WDR33: variants seen among roughly 807,000 people sequenced by gnomAD.
The protein encoded by WDR33 is pre-mRNA 3' end processing protein WDR33.
A neutral mutation model predicts 164.9 loss-of-function variants in WDR33; 47 were observed. The observed-to-expected ratio is 0.29, with a 90% CI of 0.23 to 0.36. The LOEUF (loss-of-function observed/expected upper bound fraction) is 0.36. WDR33 is among the 10% of genes least tolerant of loss of function. The pLI, the probability that WDR33 is intolerant of heterozygous loss-of-function variation, is 1.00. For missense variants in WDR33, 1,137 were observed against 1,754.1 expected (o/e 0.65, Z 6.28); for synonymous variants, 505 against 589.0 (o/e 0.86, Z 2.06).
chr2:127,790,802 G>C (rs1374054171), intron 1 of WDR33, among the ~76,000 whole-genome samples: 1 of 152,024 alleles, frequency 6.6e-6, no homozygotes, highest in Non-Finnish European at 1.5e-5. Flanking sequence ...ATAGATATAG[G>C]ACTATTCAGG....
chr2:127,761,777 C>T (rs1231364597), intron 7 of WDR33, among the ~76,000 whole-genome samples: 2 of 152,144 alleles, frequency 1.3e-5, no homozygotes, highest in Admixed American at 1.3e-4. Flanking sequence ...GTCTCTGTCT[C>T]GTTCTGAAGT....
In WDR33 at chr2:127,709,419, A is replaced by G. The variant is rs1686097894; in HGVS notation, c.3565+71T>C. On this transcript the variant is annotated intron_variant, in intron 20 of 21. Coordinates refer to ENST00000322313, the MANE Select transcript of WDR33 (RefSeq NM_018383.5). The surrounding 1 kb of genome is among the most constrained non-coding windows in gnomAD (Gnocchi z 5.0). ...GGAAAGAGGAGACCCGGTGCACCCC[A>G]GAGAGGGCCCTCAGAACTCACTTTG... The G allele has an allele frequency of 4.0e-6, 6 of 1,486,746 alleles. No homozygotes were observed. Among genetic ancestry groups the G allele is most frequent in the Non-Finnish European group, 5.6e-6 (6 of 1,067,552 alleles). The allele number at this position is 1,486,746 out of a possible 1,614,324, so 92.1% of individuals were successfully genotyped here. A position where few individuals can be genotyped will look rare whatever the true frequency, so the allele number is the denominator to read the frequency against.
rs755820340 is a variant in WDR33 at position 127,721,938 on chromosome 2, A to G, written c.1569T>C (p.Asn523=). ...VPIPAPNEVL[N]DRKEDIKLEE... is the part of the protein sequence containing the mutation. ...CCAATTTAATGTCTTCTTTTCTGTC[A>G]TTCAGCACCTCATTTGGAGCAGGAA... The change falls in exon 15 of 22, where the codon AAT becomes AAC. Residue 523 remains asparagine (N), a synonymous_variant. Transcript: ENST00000322313. This position sits in a 1 kb window ranked among gnomAD's most constrained non-coding sequence, Gnocchi z 4.9. 9 of 1,613,410 alleles carry G rather than the reference A, an allele frequency of 5.6e-6. No homozygotes were observed. Among genetic ancestry groups the G allele is most frequent in the Non-Finnish European group, 1.7e-6 (2 of 1,179,912 alleles).
chr2:127,758,034 C>T (rs1231345424), intron 7 of WDR33, among the ~76,000 whole-genome samples: 1 of 152,178 alleles, frequency 6.6e-6, no homozygotes, highest in Non-Finnish European at 1.5e-5. Context: ...AAACTAAAAA[C>T]TCCTGCGTAA....
At chr2:127,731,294 C>CA (rs35161101) in intron 7 of WDR33, among the ~76,000 whole-genome samples, 7,293 of 69,738 alleles carry the variant, frequency 0.1, 405 homozygotes, top group Non-Finnish European at 0.13. Flanking sequence ...GACCCTGCCT[C>CA]AAAAAAAAAA....
chr2:127,761,613 G>T (rs1687679422), intron 7 of WDR33, among the ~76,000 whole-genome samples: 1 of 152,198 alleles, frequency 6.6e-6, no homozygotes, highest in South Asian at 2.1e-4. Context: ...GACTAATAGT[G>T]AGGAAAGATT....
chr2:127,785,570 G>A (rs1191050699), intron 1 of WDR33, among the ~76,000 whole-genome samples: 1 of 152,142 alleles, frequency 6.6e-6, no homozygotes, highest in East Asian at 1.9e-4. Flanking sequence ...GAATCATACA[G>A]TGTGGAGCAT....
In WDR33 at chr2:127,713,775, A is replaced by G. The variant is rs778559371; in HGVS notation, c.3116T>C (p.Leu1039Ser). Reference protein sequence around the residue: ...LREFEGRGGPLPQEEKWRRGG... With the variant: ...LREFEGRGGPSPQEEKWRRGG... ...TCGCCTCCACTTCTCTTCTTGCGGT[A>G]AAGGTCCTCCTCGCCCCTCAAATTC... The change falls in exon 18 of 22, where the codon TTA becomes TCA. Residue 1039 changes from leucine to serine, a missense_variant. Leu to Ser is a moderately radical substitution (Grantham distance 145, BLOSUM62 -2). Transcript: ENST00000322313. This position sits in a 1 kb window ranked among gnomAD's most constrained non-coding sequence, Gnocchi z 6.2. 21 of 1,614,148 alleles carry G rather than the reference A, an allele frequency of 1.3e-5. No individual in the cohort carries two copies. Among genetic ancestry groups the G allele is most frequent in the Non-Finnish European group, 1.5e-5 (18 of 1,180,052 alleles).
intron 7 of WDR33, chr2:127,762,457 T>C: frequency 2.1e-6 from 2 of 945,670 alleles, no homozygotes; most frequent in South Asian, 9.8e-5. Context: ...TAATGCATAA[T>C]CTAAAATAAT....
At chr2:127,744,270 CGT>C (rs1687106531) in intron 7 of WDR33, among the ~76,000 whole-genome samples, 1 of 152,010 alleles carries the variant, frequency 6.6e-6, no homozygotes, top group African/African-American at 2.4e-5. Context: ...GGAAAATTTA[CGT>C]AAGTAACACA....
At chr2:127,807,014 T>C (rs1054025219) in intron 1 of WDR33, among the ~76,000 whole-genome samples, 2 of 152,162 alleles carry the variant, frequency 1.3e-5, no homozygotes, top group Non-Finnish European at 2.9e-5. Flanking sequence ...GTTTGAAATT[T>C]TTTTTTTTAA....
In WDR33 at chr2:127,770,868, CATTGCTTGCTGTTGT is replaced by C. The variant is rs1687980435; in HGVS notation, c.99_113del (p.Gln36_Gln40del). 6.2e-7 allele frequency: 1 copy of C among 1,613,984 alleles called. No individual in the cohort carries two copies. The highest frequency in any genetic ancestry group is 8.5e-7 in the Non-Finnish European group (1 of 1,180,040). Reference sequence around the variant, plus strand: ...GTTTTCCATCAAAAGTAAGCTGTTGCATTGCTTGCTGTTGTGCAAAATCAGGTCGCTTATAAAACA... The same window carrying C: ...GTTTTCCATCAAAAGTAAGCTGTTGCGCAAAATCAGGTCGCTTATAAAACA... On this transcript the variant is annotated inframe_deletion, in exon 2 of 22. Transcript: ENST00000322313. This position sits in a 1 kb window ranked among gnomAD's most constrained non-coding sequence, Gnocchi z 4.9.
chr2:127,726,627 C>G lies in WDR33; in HGVS notation c.851+24G>C, dbSNP rs778894568. 1 of 1,612,846 alleles carries G rather than the reference C, an allele frequency of 6.2e-7. No homozygotes were observed. Among genetic ancestry groups the G allele is most frequent in the Admixed American group, 1.7e-5 (1 of 59,894 alleles). On this transcript the variant is annotated intron_variant, in intron 8 of 21. Transcript: ENST00000322313. The surrounding 1 kb of genome is among the most constrained non-coding windows in gnomAD (Gnocchi z 4.8). ...GCTTTGCTCCCCTTTGTTCAGGGGCCAAGGTGGGGTTCCTGTCACTTACAG... is the reference window on the plus strand; with the variant it reads ...GCTTTGCTCCCCTTTGTTCAGGGGCGAAGGTGGGGTTCCTGTCACTTACAG...
rs1466353270 is a variant in WDR33, at chr2:127,720,779, C to T, written c.1672-426G>A. Among the ~76,000 whole-genome samples the T allele has an allele frequency of 3.3e-5, 5 of 152,140 alleles. No homozygotes were observed. Among genetic ancestry groups the T allele is most frequent in the Non-Finnish European group, 7.4e-5 (5 of 68,020 alleles). ...CTTGCTATATTGCCCAGGCTGATCT[C>T]AAACTCCTGGGTTCAGCTGATCCTC... is the stretch of plus-strand genomic sequence containing the variant. On this transcript the variant is annotated intron_variant, in intron 15 of 21. Transcript: ENST00000322313. This position sits in a 1 kb window ranked among gnomAD's most constrained non-coding sequence, Gnocchi z 5.9.
chr2:127,792,681 GA>G (rs886588972), intron 1 of WDR33, among the ~76,000 whole-genome samples: 14 of 139,416 alleles, frequency 1.0e-4, no homozygotes, highest in African/African-American at 3.7e-4. Flanking sequence ...GTCTCAAAAA[GA>G]AAAAAAAAAG....
intron 2 of WDR33, among the ~76,000 whole-genome samples, chr2:127,769,877 A>G (rs10198769): frequency 0.021 from 3,250 of 152,320 alleles, 127 homozygotes; most frequent in African/African-American, 0.075. Flanking sequence ...GCTAATTCCT[A>G]CATTAACACA....
intron 1 of WDR33, among the ~76,000 whole-genome samples, chr2:127,779,662 C>T (rs1199789774): frequency 6.6e-6 from 1 of 152,144 alleles, no homozygotes; most frequent in African/African-American, 2.4e-5. Context: ...TATTCCCTTC[C>T]TGTGTATTTT....
intron 7 of WDR33, among the ~76,000 whole-genome samples, chr2:127,740,954 C>G (rs1411150943): frequency 6.6e-6 from 1 of 151,962 alleles, no homozygotes; most frequent in Non-Finnish European, 1.5e-5. Flanking sequence ...ACAGATGGAC[C>G]CTACCTATGA....
intron 1 of WDR33, among the ~76,000 whole-genome samples, chr2:127,783,989 GAA>G (rs34983818): frequency 5.4e-5 from 8 of 149,390 alleles, no homozygotes; most frequent in African/African-American, 1.5e-4. Flanking sequence ...TATTAGAAAT[GAA>G]AAAAAAAAAG....
Sources: allele counts gnomAD v4.1 joint callset (sites outside exome capture counted in the v4.1 genomes callset), GRCh38; gene constraint gnomAD v4.1.1; non-coding constraint Gnocchi (gnomAD v3.1); transcripts MANE v1.5; gene names NCBI Gene and HGNC (gene_info 2026-07-23, HGNC 2026-07-21).